The following RBFOX3 variants were observed in gnomAD, a reference collection of about 807,000 sequenced individuals.
RBFOX3 encodes RNA binding fox-1 homolog 3.
Under a neutral mutation model 48.7 loss-of-function variants are expected in RBFOX3, and 17 were observed. The observed-to-expected ratio is 0.35, with a 90% CI of 0.24 to 0.52. RBFOX3 has a LOEUF of 0.52. Ranked by LOEUF, RBFOX3 falls within the 20% of genes least tolerant of loss-of-function variation. The pLI, the probability that RBFOX3 is intolerant of heterozygous loss-of-function variation, is 0.94. For missense variants in RBFOX3, 382 were observed against 497.5 expected (o/e 0.77, Z 2.21); for synonymous variants, 212 against 209.5 (o/e 1.01, Z -0.10).
At chr17:79,237,538 G>A (rs977968711) in intron 3 of RBFOX3, among the ~76,000 whole-genome samples, 3 of 152,230 alleles carry the variant, frequency 2.0e-5, no homozygotes, top group Non-Finnish European at 2.9e-5. Context: ...GAAGTACCCC[G>A]CCCTGTGGGA....
intron 6 of RBFOX3, among the ~76,000 whole-genome samples, chr17:79,106,184 A>G (rs779521163): frequency 1.6e-4 from 24 of 151,886 alleles, no homozygotes; most frequent in Non-Finnish European, 7.4e-5. Context: ...CCGGGCACAC[A>G]AGAGAGGCCA....
rs1487022577 is a variant in RBFOX3 at position 79,579,841 on chromosome 17, T to C, written c.-320+30985A>G. Among the ~76,000 whole-genome samples the C allele has an allele frequency of 1.0e-3, 75 of 73,758 alleles. No individual in the cohort carries two copies. In the East Asian group the frequency reaches 0.019, roughly 19 times the overall value. 48.4% of individuals were successfully genotyped at this position (73,758 alleles called of 152,430 possible). A position where few individuals can be genotyped will look rare whatever the true frequency, so the allele number is the denominator to read the frequency against. ...TGGCGCTGTGGTGGGGAGTCACTGGTGCTGTGGTGGGGGGGTCACTGGCGC... is the reference window on the plus strand; with the variant it reads ...TGGCGCTGTGGTGGGGAGTCACTGGCGCTGTGGTGGGGGGGTCACTGGCGC... On this transcript the variant is annotated intron_variant, in intron 1 of 14. Coordinates refer to ENST00000693108, the MANE Select transcript of RBFOX3 (RefSeq NM_001350451.2).
At chr17:79,168,093 C>T (rs1160069554) in intron 4 of RBFOX3, among the ~76,000 whole-genome samples, 1 of 152,188 alleles carries the variant, frequency 6.6e-6, no homozygotes, top group Admixed American at 6.5e-5. Context: ...AACAGTGGGG[C>T]CGGCTCAGAG....
chr17:79,194,200 T>C (rs1476567292), intron 4 of RBFOX3, among the ~76,000 whole-genome samples: 2 of 152,236 alleles, frequency 1.3e-5, no homozygotes, highest in Admixed American at 1.3e-4. Flanking sequence ...ACTTTGCCTC[T>C]GATCTCCTCT....
chr17:79,615,197 G>T (rs1251603080), upstream of RBFOX3, among the ~76,000 whole-genome samples: 1 of 152,174 alleles, frequency 6.6e-6, no homozygotes, highest in Non-Finnish European at 1.5e-5. Context: ...GATGGCAAGT[G>T]ATTTCTGGCC....
intron 2 of RBFOX3, among the ~76,000 whole-genome samples, chr17:79,432,324 G>A (rs1412789504): frequency 6.6e-6 from 1 of 152,218 alleles, no homozygotes; most frequent in African/African-American, 2.4e-5. Context: ...AAGTGGGGTT[G>A]CTGGGAGAGT....
At chr17:79,447,034 G>A (rs186673244) in intron 2 of RBFOX3, among the ~76,000 whole-genome samples, 64 of 152,328 alleles carry the variant, frequency 4.2e-4, no homozygotes, top group African/African-American at 1.2e-3. Flanking sequence ...GCTGGGGCCC[G>A]TGTCAACCTG....
chr17:79,387,870 C>G (rs139580344), intron 2 of RBFOX3, among the ~76,000 whole-genome samples: 108 of 152,260 alleles, frequency 7.1e-4, no homozygotes, highest in African/African-American at 2.5e-3. Flanking sequence ...GTGCACTGTA[C>G]AGTGTGTGTG....
At chr17:79,634,198 A>G in the RBFOX3 span, among the ~76,000 whole-genome samples, 1 of 152,120 alleles carries the variant, frequency 6.6e-6, no homozygotes. Flanking sequence ...TGCTTTCTGT[A>G]CTGGTGAAGG....
At position 79,097,376 on chromosome 17, in the gene RBFOX3, C is replaced by T; in HGVS notation, c.671G>A (p.Gly224Asp). ...CCGGCCCCGGCCCCGAAGATGTGCGCCCCGGTAGGCAACGGCTGTGCCGGT... is the reference window on the plus strand; with the variant it reads ...CCGGCCCCGGCCCCGAAGATGTGCGTCCCGGTAGGCAACGGCTGTGCCGGT... ...PTTGTAVAYR[G>D]AHLRGRGRAV... The change falls in exon 11 of 15, where the codon GGC (glycine) becomes GAC (aspartate). Residue 224 changes from glycine (G) to aspartate (D), a missense_variant. Transcript: ENST00000693108. 6.5e-7 allele frequency: 1 copy of T among 1,548,872 alleles called. No individual in the cohort carries two copies. Among genetic ancestry groups the T allele is most frequent in the Non-Finnish European group, 8.7e-7 (1 of 1,146,394 alleles).
At chr17:79,325,139 T>C (rs1268447946) in intron 2 of RBFOX3, among the ~76,000 whole-genome samples, 1 of 152,228 alleles carries the variant, frequency 6.6e-6, no homozygotes, top group Non-Finnish European at 1.5e-5. Context: ...ATTCCTGCTA[T>C]GTGCTGGGCC....
intron 1 of RBFOX3, among the ~76,000 whole-genome samples, chr17:79,577,241 G>T (rs1230336773): frequency 6.6e-6 from 1 of 152,152 alleles, no homozygotes; most frequent in Non-Finnish European, 1.5e-5. Context: ...GACAATTCTG[G>T]CTAGAACTGA....
At chr17:79,568,053 G>T (rs1461351466) in intron 1 of RBFOX3, among the ~76,000 whole-genome samples, 1 of 152,160 alleles carries the variant, frequency 6.6e-6, no homozygotes, top group East Asian at 1.9e-4. Context: ...GTCACACTGC[G>T]TGTACTTGCG....
At chr17:79,649,343 A>G in the RBFOX3 span, among the ~76,000 whole-genome samples, 784 of 152,324 alleles carry the variant, frequency 5.1e-3, 7 homozygotes, top group African/African-American at 0.017. Context: ...AGCACAGAAG[A>G]ACCTGGTTTA....
At chr17:79,292,881 T>A (rs2073613625) in intron 3 of RBFOX3, among the ~76,000 whole-genome samples, 1 of 152,202 alleles carries the variant, frequency 6.6e-6, no homozygotes, top group Admixed American at 6.5e-5. Flanking sequence ...CGTTTTGGAA[T>A]TTGGCCTTTG....
chr17:79,393,695 G>C (rs1598497444), intron 2 of RBFOX3, among the ~76,000 whole-genome samples: 1 of 150,414 alleles, frequency 6.6e-6, no homozygotes, highest in Non-Finnish European at 1.5e-5. Flanking sequence ...GTCTGAGCCG[G>C]TCATCACGCA....
intron 1 of RBFOX3, among the ~76,000 whole-genome samples, chr17:79,596,926 G>A (rs949888629): frequency 0.027 from 4,113 of 152,238 alleles, 111 homozygotes; most frequent in East Asian, 0.11. Flanking sequence ...CTATGGCTTC[G>A]CTATGTTCCG....
At chr17:79,301,569 G>C (rs1183322232) in intron 3 of RBFOX3, among the ~76,000 whole-genome samples, 1 of 152,204 alleles carries the variant, frequency 6.6e-6, no homozygotes, top group African/African-American at 2.4e-5. Context: ...GAAAGCAGGG[G>C]AGGAGCACCT....
chr17:79,659,682 G>A, the RBFOX3 span, among the ~76,000 whole-genome samples: 2 of 152,074 alleles, frequency 1.3e-5, no homozygotes, highest in African/African-American at 4.8e-5. Context: ...CTTTATATTT[G>A]TTACTGCTTT....
Sources: gnomAD v4.1 joint callset for allele counts (sites outside exome capture counted in the v4.1 genomes callset) on GRCh38, gnomAD v4.1.1 for gene constraint, MANE v1.5 for transcripts, NCBI Gene and HGNC (gene_info 2026-07-23, HGNC 2026-07-21) for gene names.